TMEFF1: variants seen among roughly 807,000 people sequenced by gnomAD.
The protein encoded by TMEFF1 is tomoregulin-1.
In TMEFF1, 20 loss-of-function variants were observed where a neutral mutation model predicts 47.5. The ratio of observed to expected loss-of-function variants is 0.42; its 90% CI spans 0.30 to 0.61. TMEFF1 has a LOEUF of 0.61. TMEFF1 is among the 20% of genes least tolerant of loss of function. TMEFF1 has a pLI of 0.19. For synonymous variants in TMEFF1, 162 were observed against 166.3 expected (o/e 0.97, Z 0.20); for missense variants, 411 against 471.1 (o/e 0.87, Z 1.18).
chr9:100,527,538 TA>T (rs1406647103), intron 5 of TMEFF1, among the ~76,000 whole-genome samples: 5 of 152,204 alleles, frequency 3.3e-5, no homozygotes, highest in African/African-American at 9.6e-5. Context: ...CCGACGGGCT[TA>T]AAAAACGGCA....
At chr9:100,516,885 T>C in intron 5 of TMEFF1, 114 bp downstream of exon 5, 1 of 1,331,458 alleles carries the variant, frequency 7.5e-7, no homozygotes, top group Non-Finnish European at 9.9e-7. Context: ...TTTTCAAATT[T>C]TTTTTTTGTT....
intron 1 of TMEFF1, among the ~76,000 whole-genome samples, chr9:100,475,286 A>G (rs922896998): frequency 1.3e-5 from 2 of 152,174 alleles, no homozygotes; most frequent in Non-Finnish European, 2.9e-5. Flanking sequence ...TAATTTTCAT[A>G]TGGTAATGTT....
Position 100,473,709 on chromosome 9 carries a change from C to G in TMEFF1, c.165C>G (p.Pro55=), listed in dbSNP as rs751643047. Residue 55 remains proline, a synonymous_variant, in exon 1 of 10, where the codon CCC becomes CCG. Transcript: ENST00000374879. This position sits in a 1 kb window ranked among gnomAD's most constrained non-coding sequence, Gnocchi z 5.4. ...GGGGGSGGDC[P]GGKGKSINCS... Reference sequence around the variant, plus strand: ...GCGGCGGCAGCGGCGGGGACTGTCCCGGCGGCAAAGGCAAGAGCATCAACT... The same window carrying G: ...GCGGCGGCAGCGGCGGGGACTGTCCGGGCGGCAAAGGCAAGAGCATCAACT... 1 of 1,530,828 alleles carries G rather than the reference C, an allele frequency of 6.5e-7. No individual in the cohort carries two copies. The highest frequency in any genetic ancestry group is 8.8e-7 in the Non-Finnish European group (1 of 1,137,836). The allele number at this position is 1,530,828 out of a possible 1,614,324, so 94.8% of individuals were successfully genotyped here.
chr9:100,509,199 T>G (rs912143828), intron 3 of TMEFF1, 65 bp downstream of exon 3: 10 of 1,419,294 alleles, frequency 7.0e-6, no homozygotes, highest in Non-Finnish European at 9.2e-6. Flanking sequence ...AAAAGGGGGT[T>G]TTGAGTCAGA....
intron 1 of TMEFF1, among the ~76,000 whole-genome samples, chr9:100,482,312 C>G (rs1004527027): frequency 6.6e-6 from 1 of 152,192 alleles, no homozygotes; most frequent in South Asian, 2.1e-4. Context: ...ATTCTCCTGC[C>G]TCAACCTCCA....
chr9:100,508,863 T>C, intron 2 of TMEFF1, 142 bp from the exon 3 acceptor site: 2 of 1,135,738 alleles, frequency 1.8e-6, no homozygotes, highest in Non-Finnish European at 2.2e-6. Context: ...GCATAATTCT[T>C]TTTAAGCCAA....
chr9:100,525,335 A>G (rs1838235118), intron 5 of TMEFF1, among the ~76,000 whole-genome samples: 2 of 152,072 alleles, frequency 1.3e-5, no homozygotes, highest in African/African-American at 2.4e-5. Context: ...GGCTACCCCC[A>G]CTTCTGCCCA....
chr9:100,522,430 CTTT>C (rs869111876), intron 5 of TMEFF1, among the ~76,000 whole-genome samples: 5 of 69,638 alleles, frequency 7.2e-5, no homozygotes, highest in African/African-American at 1.1e-4. Context: ...GAAATATCTT[CTTT>C]TTTTTTTTTT....
chr9:100,478,357 G>C (rs1837273269), intron 1 of TMEFF1, among the ~76,000 whole-genome samples: 1 of 152,208 alleles, frequency 6.6e-6, no homozygotes, highest in East Asian at 1.9e-4. Context: ...TCTCATTCCT[G>C]TCGCCCAGGC....
intron 5 of TMEFF1, among the ~76,000 whole-genome samples, chr9:100,543,512 T>C (rs1019018038): frequency 5.9e-5 from 9 of 152,218 alleles, no homozygotes; most frequent in African/African-American, 1.7e-4. Flanking sequence ...TTTCTCAGAA[T>C]TGTATCTGTG....
At chr9:100,537,175 G>A (rs1238629619) in intron 5 of TMEFF1, among the ~76,000 whole-genome samples, 3 of 152,194 alleles carry the variant, frequency 2.0e-5, no homozygotes, top group Non-Finnish European at 4.4e-5. Context: ...AAAGTTTGAT[G>A]TGGTTATCAG....
At chr9:100,570,583 C>T (rs905419410) in intron 8 of TMEFF1, among the ~76,000 whole-genome samples, 6 of 151,908 alleles carry the variant, frequency 3.9e-5, no homozygotes, top group African/African-American at 1.2e-4. Flanking sequence ...ACCAATTGAC[C>T]ATAGATGTAT....
intron 8 of TMEFF1, among the ~76,000 whole-genome samples, chr9:100,567,361 C>A (rs1294682025): frequency 6.6e-6 from 1 of 152,156 alleles, no homozygotes; most frequent in Non-Finnish European, 1.5e-5. Context: ...AAAATTGCAA[C>A]CCTCCCTTCC....
chr9:100,473,379 G>C lies in TMEFF1; in HGVS notation c.-166G>C. 1 of 426,176 alleles carries C rather than the reference G, an allele frequency of 2.3e-6. No homozygotes were observed. The highest frequency in any genetic ancestry group is 3.6e-6 in the Non-Finnish European group (1 of 277,542). The allele number at this position is 426,176 out of a possible 1,614,324, so 26.4% of individuals were successfully genotyped here. ...ACTCCGTCCCGAGCGCCGCGGGCCC[G>C]GGCCTGGCGGACGCTGCGGGTGGGG... On this transcript the variant is annotated 5_prime_UTR_variant, in exon 1 of 10. Coordinates refer to ENST00000374879, the MANE Select transcript of TMEFF1 (RefSeq NM_003692.5). The surrounding 1 kb of genome is among the most constrained non-coding windows in gnomAD (Gnocchi z 5.4).
chr9:100,500,555 A>AT (rs1289739411), intron 2 of TMEFF1, among the ~76,000 whole-genome samples: 9 of 152,042 alleles, frequency 5.9e-5, no homozygotes, highest in African/African-American at 1.9e-4. Flanking sequence ...TTAATTGTAG[A>AT]TTTTTTATGT....
At position 100,572,508 on chromosome 9, in the gene TMEFF1, T is replaced by C. The variant is rs1564030533; in HGVS notation, c.900-10T>C. On this transcript the variant is annotated splice_polypyrimidine_tract_variant and intron_variant, in intron 8 of 9. Transcript: ENST00000374879. ...ATTTTCATAGGAATATATATATTTT[T>C]CCTTTTCAGATGTGAATCTGGCTAC... 1.9e-6 allele frequency: 3 copies of C among 1,563,752 alleles called. No homozygotes were observed. Among genetic ancestry groups the C allele is most frequent in the Non-Finnish European group, 2.6e-6 (3 of 1,158,604 alleles).
chr9:100,521,559 T>A (rs934420871), intron 5 of TMEFF1, among the ~76,000 whole-genome samples: 7 of 152,210 alleles, frequency 4.6e-5, no homozygotes, highest in Non-Finnish European at 8.8e-5. Context: ...CCCCCTCACT[T>A]TCTAAACAGT....
At position 100,473,448 on chromosome 9, in the gene TMEFF1, C is replaced by T. The variant is rs1367540749; in HGVS notation, c.-97C>T. 7 of 994,028 alleles carry T rather than the reference C, an allele frequency of 7.0e-6. No homozygotes were observed. Among genetic ancestry groups the T allele is most frequent in the Non-Finnish European group, 7.8e-6 (6 of 771,328 alleles). The allele number at this position is 994,028 out of a possible 1,614,324, so 61.6% of individuals were successfully genotyped here. A position where few individuals can be genotyped will look rare whatever the true frequency, so the allele number is the denominator to read the frequency against. ...GCTCCCCGGCTCAGCGGCGCGGCTG[C>T]TAGGAGGCACCGAGGCAGCGGCGGG... On this transcript the variant is annotated 5_prime_UTR_variant, in exon 1 of 10. Coordinates refer to ENST00000374879, the MANE Select transcript of TMEFF1 (RefSeq NM_003692.5). This position sits in a 1 kb window ranked among gnomAD's most constrained non-coding sequence, Gnocchi z 5.4.
At chr9:100,506,852 A>G (rs899728965) in intron 2 of TMEFF1, among the ~76,000 whole-genome samples, 1 of 151,626 alleles carries the variant, frequency 6.6e-6, no homozygotes. Context: ...TTCTTGTCAC[A>G]CAATATATTT....
Sources: allele counts gnomAD v4.1 joint callset (sites outside exome capture counted in the v4.1 genomes callset), GRCh38; gene constraint gnomAD v4.1.1; non-coding constraint Gnocchi (gnomAD v3.1); transcripts MANE v1.5; gene names NCBI Gene and HGNC (gene_info 2026-07-23, HGNC 2026-07-21).